ZNF143: variants seen among roughly 807,000 people sequenced by gnomAD.
ZNF143 encodes the protein SPH-binding factor.
A neutral mutation model predicts 74.1 loss-of-function variants in ZNF143; 49 were observed. That is an observed-to-expected ratio of 0.66 (90% CI 0.53 to 0.84). The LOEUF (loss-of-function observed/expected upper bound fraction) is 0.84, where lower values mean the gene tolerates loss of function less well. Ranked by LOEUF, ZNF143 falls within the 40% of genes least tolerant of loss-of-function variation. ZNF143 has a pLI of 0.00. For missense variants in ZNF143, 637 were observed against 793.4 expected, an observed-to-expected ratio of 0.80 and a Z score of 2.37; for synonymous variants, 304 against 282.8, an observed-to-expected ratio of 1.07 and a Z score of -0.75.
intron 7 of ZNF143, among the ~76,000 whole-genome samples, chr11:9,485,096 C>T (rs914722744): frequency 2.7e-5 from 4 of 150,486 alleles, no homozygotes; most frequent in Non-Finnish European, 4.4e-5. Context: ...CGCGCCCGGC[C>T]GCCAAAGATT....
chr11:9,465,122 A>G (rs1447441717), intron 1 of ZNF143, among the ~76,000 whole-genome samples: 1 of 152,222 alleles, frequency 6.6e-6, no homozygotes, highest in Non-Finnish European at 1.5e-5. Context: ...CAAGGGCTAG[A>G]GAATAAAACC....
At chr11:9,485,373 A>C (rs1414178983) in intron 7 of ZNF143, among the ~76,000 whole-genome samples, 1 of 129,816 alleles carries the variant, frequency 7.7e-6, no homozygotes, top group Non-Finnish European at 1.6e-5. Flanking sequence ...TTTTTTGAGA[A>C]GTCTCGCTAT....
At chr11:9,522,285 G>A (rs1002416202) in intron 14 of ZNF143, among the ~76,000 whole-genome samples, 6 of 151,976 alleles carry the variant, frequency 3.9e-5, no homozygotes, top group African/African-American at 9.7e-5. Context: ...AAGTGTTCCC[G>A]AGTAGCTGGG....
Position 9,474,947 on chromosome 11 carries a change from G to A in ZNF143, c.373+314G>A, listed in dbSNP as rs375870530. ...TCTGTTGCCAGGCTGGATTGTGGTG[G>A]CACAAGCACAGCTCACTGCAGCCTC... On this transcript the variant is annotated intron_variant, in intron 5 of 15. Transcript: ENST00000396602. 2.3e-4 allele frequency among the ~76,000 whole-genome samples: 35 copies of A among 152,190 alleles called. 1 individual carries two copies. The highest frequency in any genetic ancestry group is 8.4e-4 in the African/African-American group (35 of 41,514).
At chr11:9,475,926 G>A (rs879691384) in intron 5 of ZNF143, among the ~76,000 whole-genome samples, 15,371 of 150,574 alleles carry the variant, frequency 0.1, 1,028 homozygotes, top group Non-Finnish European at 0.14. Flanking sequence ...GTGTGTGTGT[G>A]TGTGTGTGTG....
At chr11:9,510,583 A>G (rs567019896) in intron 12 of ZNF143, among the ~76,000 whole-genome samples, 1 of 152,344 alleles carries the variant, frequency 6.6e-6, no homozygotes, top group South Asian at 2.1e-4. Flanking sequence ...ATAATGGTAT[A>G]TAAATAGCTG....
At chr11:9,462,930 A>C (rs1855959114) in intron 1 of ZNF143, among the ~76,000 whole-genome samples, 1 of 152,146 alleles carries the variant, frequency 6.6e-6, no homozygotes, top group Non-Finnish European at 1.5e-5. Context: ...CACTACAATC[A>C]ATTTAGCAAC....
rs369571803 is a variant in ZNF143 at position 9,471,447 on chromosome 11, G to A, written c.112+27G>A. 1,289 of 1,477,928 alleles carry A rather than the reference G, an allele frequency of 8.7e-4. 5 individuals carry two copies. The highest frequency in any genetic ancestry group is 6.6e-4 in the Non-Finnish European group (722 of 1,096,558). 91.6% of individuals were successfully genotyped at this position (1,477,928 alleles called of 1,614,324 possible). On this transcript the variant is annotated intron_variant, in intron 2 of 15. Coordinates refer to ENST00000396602, the MANE Select transcript of ZNF143 (RefSeq NM_003442.6). ...TGAGCAGTTGTGTTTGAAGGGATGC[G>A]TTTGAAAATATCATTTATCTTAAAA...
chr11:9,475,471 G>A (rs1027063260), intron 5 of ZNF143, among the ~76,000 whole-genome samples: 2 of 151,584 alleles, frequency 1.3e-5, no homozygotes, highest in African/African-American at 4.9e-5. Context: ...GTTAAATATA[G>A]GGTCTTGCTA....
chr11:9,477,792 GTTAA>G (rs1847071190), intron 5 of ZNF143, among the ~76,000 whole-genome samples: 1 of 152,062 alleles, frequency 6.6e-6, no homozygotes, highest in South Asian at 2.1e-4. Flanking sequence ...GATTTTGACT[GTTAA>G]TTGTTAGTGT....
chr11:9,464,735 C>T (rs551250566), intron 1 of ZNF143, among the ~76,000 whole-genome samples: 5 of 152,124 alleles, frequency 3.3e-5, no homozygotes, highest in African/African-American at 1.2e-4. Context: ...GCCCGACCAA[C>T]ATGGTGAAAT....
At position 9,484,800 on chromosome 11, in the gene ZNF143, A is replaced by ATTTTTT. The variant is rs1381085964; in HGVS notation, c.645+5264_645+5269dup. Among the ~76,000 whole-genome samples the ATTTTTT allele has an allele frequency of 3.6e-3, 242 of 66,998 alleles. 36 individuals are homozygous for ATTTTTT. Among genetic ancestry groups the ATTTTTT allele is most frequent in the African/African-American group, 0.016 (232 of 14,696 alleles). 44.0% of individuals were successfully genotyped at this position (66,998 alleles called of 152,430 possible). ...CGTGAGCCACCGCACCTGGCCAAAG[A>ATTTTTT]TTTTTTTTTTTTTTTGAGACGGAGT... On this transcript the variant is annotated intron_variant, in intron 7 of 15. Coordinates refer to ENST00000396602, the MANE Select transcript of ZNF143 (RefSeq NM_003442.6).
Position 9,512,572 on chromosome 11 carries a change from C to G in ZNF143, c.1500C>G (p.Leu500=), listed in dbSNP as rs763794740. 6.2e-7 allele frequency: 1 copy of G among 1,614,236 alleles called. No individual in the cohort carries two copies. The highest frequency in any genetic ancestry group is 1.7e-5 in the Admixed American group (1 of 60,022). Reference sequence around the variant, plus strand: ...CTGGACTGAGTCAACAAGTTACACTCATATCCCAGGATGGGACTCAGCATG... The same window carrying G: ...CTGGACTGAGTCAACAAGTTACACTGATATCCCAGGATGGGACTCAGCATG... ...TQSGLSQQVT[L]ISQDGTQHVN... The change falls in exon 13 of 16, where the codon CTC becomes CTG. Residue 500 remains leucine (L), a synonymous_variant. Coordinates refer to ENST00000396602, the MANE Select transcript of ZNF143 (RefSeq NM_003442.6).
At chr11:9,471,450 T>G in intron 2 of ZNF143, 30 bp downstream of exon 2, 1 of 1,475,250 alleles carries the variant, frequency 6.8e-7, no homozygotes, top group Non-Finnish European at 9.1e-7. Context: ...GGGATGCGTT[T>G]GAAAATATCA....
intron 13 of ZNF143, among the ~76,000 whole-genome samples, chr11:9,513,334 C>A (rs1161741359): frequency 6.6e-6 from 1 of 152,194 alleles, no homozygotes; most frequent in Non-Finnish European, 1.5e-5. Flanking sequence ...AAAGCTCTTA[C>A]ACCTTCTCAT....
chr11:9,504,353 T>C (rs946181968), intron 11 of ZNF143, among the ~76,000 whole-genome samples: 2 of 127,292 alleles, frequency 1.6e-5, no homozygotes, highest in African/African-American at 5.1e-5. Context: ...TTGGGTTGTG[T>C]CTTTATTACT....
intron 14 of ZNF143, among the ~76,000 whole-genome samples, chr11:9,522,937 A>ATT (rs879608537): frequency 1.2e-4 from 15 of 122,552 alleles, no homozygotes; most frequent in African/African-American, 4.5e-4. Context: ...AATTTTTTGT[A>ATT]TTTTTTTTTT....
At chr11:9,477,521 T>C (rs1479686389) in intron 5 of ZNF143, among the ~76,000 whole-genome samples, 3 of 151,966 alleles carry the variant, frequency 2.0e-5, no homozygotes, top group East Asian at 1.9e-4. Context: ...TCCCAAAGTG[T>C]TGGGATTACA....
intron 14 of ZNF143, among the ~76,000 whole-genome samples, chr11:9,520,826 A>G (rs571961483): frequency 5.3e-5 from 8 of 152,204 alleles, no homozygotes; most frequent in Non-Finnish European, 8.8e-5. Context: ...TTTGTTTCAT[A>G]TTATCACCAA....
Sources: gnomAD v4.1 joint callset for allele counts (sites outside exome capture counted in the v4.1 genomes callset) on GRCh38, gnomAD v4.1.1 for gene constraint, MANE v1.5 for transcripts, NCBI Gene and HGNC (gene_info 2026-07-23, HGNC 2026-07-21) for gene names.